The following GCNT1 variants were observed in gnomAD, a reference collection of about 807,000 sequenced individuals.
GCNT1 encodes the protein beta-1,3-galactosyl-O-glycosyl-glycoprotein beta-1,6-N-acetylglucosaminyltransferase.
GCNT1 carries 16 observed loss-of-function variants against 26.2 expected under a neutral mutation model. The ratio of observed to expected loss-of-function variants is 0.61; its 90% CI spans 0.41 to 0.93. GCNT1 has a LOEUF of 0.93. GCNT1 is among the 40% of genes least tolerant of loss of function. The pLI is 0.00. For missense variants in GCNT1, 477 were observed against 526.7 expected (o/e 0.91, Z 0.92); for synonymous variants, 183 against 190.8 (o/e 0.96, Z 0.34).
At chr9:76,480,922 A>C (rs1411064047) in intron 2 of GCNT1, among the ~76,000 whole-genome samples, 1 of 151,976 alleles carries the variant, frequency 6.6e-6, no homozygotes. Flanking sequence ...ATTATAAAAT[A>C]TGTTTTAATA....
At position 76,504,700 on chromosome 9, in the gene GCNT1, C is replaced by A; in HGVS notation, c.*1032C>A. The A allele has an allele frequency of 2.4e-6, 1 of 413,272 alleles. No homozygotes were observed. Among genetic ancestry groups the A allele is most frequent in the South Asian group, 1.3e-4 (1 of 7,712 alleles). 25.6% of individuals were successfully genotyped at this position (413,272 alleles called of 1,614,324 possible). The stretch of plus-strand genomic sequence containing the variant: ...AATTAAGGCTGTCGCTTATTGAATC[C>A]ACTTGTGTCCAACCTCCCAGGATTG... On this transcript the variant is annotated 3_prime_UTR_variant, in exon 4 of 4. Coordinates refer to ENST00000376730, the MANE Select transcript of GCNT1 (RefSeq NM_001490.5).
chr9:76,507,166 A>G lies in GCNT1; in HGVS notation c.*3498A>G, dbSNP rs1210604601. 6.0e-6 allele frequency: 1 copy of G among 167,012 alleles called. No homozygotes were observed. The highest frequency in any genetic ancestry group is 6.5e-5 in the Admixed American group (1 of 15,278). 10.3% of individuals were successfully genotyped at this position (167,012 alleles called of 1,614,324 possible). On this transcript the variant is annotated 3_prime_UTR_variant, in exon 4 of 4. Transcript: ENST00000376730. ...CTGAATACTGTTGTGAAAGTGAAAAACAATGATTGTATGGGTACTCAAAGT... is the reference window on the plus strand; with the variant it reads ...CTGAATACTGTTGTGAAAGTGAAAAGCAATGATTGTATGGGTACTCAAAGT...
chr9:76,415,587 G>A (rs1311948868), upstream of GCNT1, among the ~76,000 whole-genome samples: 1 of 152,214 alleles, frequency 6.6e-6, no homozygotes, highest in Non-Finnish European at 1.5e-5. Flanking sequence ...CCCCTCCCAT[G>A]AAAAGCAAGA....
chr9:76,436,166 G>C (rs1823406703), intron 1 of GCNT1, among the ~76,000 whole-genome samples: 1 of 151,590 alleles, frequency 6.6e-6, no homozygotes, highest in African/African-American at 2.4e-5. Flanking sequence ...TGCCCAGGAT[G>C]GTCTTGAACT....
chr9:76,411,185 A>G, the GCNT1 span, among the ~76,000 whole-genome samples: 1 of 152,210 alleles, frequency 6.6e-6, no homozygotes, highest in Non-Finnish European at 1.5e-5. Flanking sequence ...GACCATTGAT[A>G]TTAAAGTGAT....
At chr9:76,427,221 G>A (rs1425364461) in intron 1 of GCNT1, among the ~76,000 whole-genome samples, 1 of 143,012 alleles carries the variant, frequency 7.0e-6, no homozygotes, top group African/African-American at 2.6e-5. Context: ...TTTTGAGATA[G>A]GGTCTCACTG....
At position 76,507,072 on chromosome 9, in the gene GCNT1, G is replaced by A. The variant is rs1166751944; in HGVS notation, c.*3404G>A. 6.0e-6 allele frequency: 1 copy of A among 166,942 alleles called. No homozygotes were observed. The highest frequency in any genetic ancestry group is 1.9e-4 in the East Asian group (1 of 5,206). 10.3% of individuals were successfully genotyped at this position (166,942 alleles called of 1,614,324 possible). On this transcript the variant is annotated 3_prime_UTR_variant, in exon 4 of 4. Transcript: ENST00000376730. ...TAAATGTTCTCAGAACATTTAGCCTGCAGTTGGGCAAAACCATTTAACACA... is the reference window on the plus strand; with the variant it reads ...TAAATGTTCTCAGAACATTTAGCCTACAGTTGGGCAAAACCATTTAACACA...
chr9:76,449,752 T>C (rs1424516176), intron 1 of GCNT1, among the ~76,000 whole-genome samples: 2 of 152,152 alleles, frequency 1.3e-5, no homozygotes, highest in East Asian at 1.9e-4. Context: ...GAAGCTTACA[T>C]ATGCAAACAA....
chr9:76,475,028 C>T (rs1460703286), intron 2 of GCNT1, among the ~76,000 whole-genome samples: 1 of 152,228 alleles, frequency 6.6e-6, no homozygotes, highest in Non-Finnish European at 1.5e-5. Flanking sequence ...TCTCCTGCCT[C>T]AGCCTCTTGA....
chr9:76,413,653 G>GTTTTGTTTT, the GCNT1 span, among the ~76,000 whole-genome samples: 1 of 118,660 alleles, frequency 8.4e-6, no homozygotes, highest in Non-Finnish European at 1.8e-5. Flanking sequence ...GTTTTGTTTT[G>GTTTTGTTTT]TTTTTTTTTT....
At chr9:76,433,656 A>G (rs1449732635) in intron 1 of GCNT1, among the ~76,000 whole-genome samples, 2 of 152,164 alleles carry the variant, frequency 1.3e-5, no homozygotes, top group East Asian at 1.9e-4. Context: ...CAAGCCAGGC[A>G]CAGTTTGGCA....
chr9:76,499,921 A>T (rs1290972505), intron 2 of GCNT1, among the ~76,000 whole-genome samples: 1 of 152,146 alleles, frequency 6.6e-6, no homozygotes, highest in African/African-American at 2.4e-5. Context: ...TGTGTTGTAC[A>T]TTCTATTTCT....
At chr9:76,436,598 CAAAAAAAAAA>C (rs1178497535) in intron 1 of GCNT1, among the ~76,000 whole-genome samples, 2 of 41,120 alleles carry the variant, frequency 4.9e-5, no homozygotes, top group Non-Finnish European at 9.3e-5. Flanking sequence ...GATTCCATCT[CAAAAAAAAAA>C]AAAAAAAAAA....
intron 1 of GCNT1, among the ~76,000 whole-genome samples, chr9:76,435,987 G>A (rs1264255956): frequency 8.2e-6 from 1 of 122,246 alleles, no homozygotes. Context: ...ACAGAATCTC[G>A]CTCTGTCACC....
At chr9:76,401,162 A>ATTCT in the GCNT1 span, among the ~76,000 whole-genome samples, 1 of 152,246 alleles carries the variant, frequency 6.6e-6, no homozygotes, top group South Asian at 2.1e-4. Context: ...GCTGAGTGTA[A>ATTCT]GTGTCTTCAG....
At position 76,480,946 on chromosome 9, in the gene GCNT1, A is replaced by G. The variant is rs570922500; in HGVS notation, c.-289-19970A>G. Among the ~76,000 whole-genome samples, 14 of 149,916 alleles carry G rather than the reference A, an allele frequency of 9.3e-5. No individual in the cohort carries two copies. In the South Asian group the frequency reaches 2.7e-3, roughly 29 times the overall value. Reference sequence around the variant, plus strand: ...TATGTTTTAATATAGGATTACTCAGAAAAAAAAAATAGCTGGGCGTGGTGT... The same window carrying G: ...TATGTTTTAATATAGGATTACTCAGGAAAAAAAAATAGCTGGGCGTGGTGT... On this transcript the variant is annotated intron_variant, in intron 2 of 3. Coordinates refer to ENST00000376730, the MANE Select transcript of GCNT1 (RefSeq NM_001490.5).
the GCNT1 span, chr9:76,394,167 CT>C: frequency 6.2e-7 from 1 of 1,603,906 alleles, no homozygotes; most frequent in Non-Finnish European, 8.5e-7. Context: ...AGGCAGGTGC[CT>C]CATAATGCAG....
intron 1 of GCNT1, among the ~76,000 whole-genome samples, chr9:76,443,990 G>GAAGGAAGA (rs1823529892): frequency 5.4e-5 from 4 of 73,646 alleles, no homozygotes; most frequent in African/African-American, 1.4e-4. Flanking sequence ...AGGAAGGAAG[G>GAAGGAAGA]AAGAAAAAAA....
At chr9:76,467,876 G>T (rs1824037367) in intron 2 of GCNT1, among the ~76,000 whole-genome samples, 1 of 144,254 alleles carries the variant, frequency 6.9e-6, no homozygotes, top group African/African-American at 2.6e-5. Context: ...GGTCAAGAAT[G>T]CCAGTGGTCC....
Sources: allele counts gnomAD v4.1 joint callset (sites outside exome capture counted in the v4.1 genomes callset), GRCh38; gene constraint gnomAD v4.1.1; transcripts MANE v1.5; gene names NCBI Gene and HGNC (gene_info 2026-07-23, HGNC 2026-07-21).